Variants in SLCO1C1 observed in about 807,000 individuals in gnomAD.
SLCO1C1 encodes the protein OAT-RP-5.
SLCO1C1 carries 70 observed loss-of-function variants against 76.4 expected under a neutral mutation model. The ratio of observed to expected loss-of-function variants is 0.92; its 90% CI spans 0.76 to 1.12. The LOEUF is 1.12. Among genes scored for constraint, SLCO1C1 ranks in the 50% most tolerant of loss-of-function variants. SLCO1C1 has a pLI of 0.00. For synonymous variants in SLCO1C1, 306 were observed against 286.1 expected, an observed-to-expected ratio of 1.07 and a Z score of -0.70; for missense variants, 912 against 823.8, an observed-to-expected ratio of 1.11 and a Z score of -1.31.
intron 3 of SLCO1C1, among the ~76,000 whole-genome samples, chr12:20,705,191 C>A (rs558847831): frequency 1.1e-4 from 17 of 152,086 alleles, no homozygotes; most frequent in Admixed American, 2.0e-4. Context: ...TCACATGCTT[C>A]ATTAGAGACA....
Position 20,752,631 on chromosome 12 carries a change from A to C in SLCO1C1, c.*103A>C. ...AAATTTGTAATTTCTTTCTCCTTTC[A>C]AAAAATGTCTACTTTGTTTTGGTCC... On this transcript the variant is annotated 3_prime_UTR_variant, in exon 15 of 15. Transcript: ENST00000266509. 1 of 961,378 alleles carries C rather than the reference A, an allele frequency of 1.0e-6. No individual in the cohort carries two copies. Among genetic ancestry groups the C allele is most frequent in the Non-Finnish European group, 1.5e-6 (1 of 668,652 alleles). The allele number at this position is 961,378 out of a possible 1,614,324, so 59.6% of individuals were successfully genotyped here.
rs1949392204 is a variant in SLCO1C1 at position 20,753,334 on chromosome 12, T to G, written c.*806T>G. ...TACACGACGTGTTCCTAAAACATGT[T>G]TGAAAGGTGAATTTCTGAAAGTCTA... On this transcript the variant is annotated 3_prime_UTR_variant, in exon 15 of 15. Coordinates refer to ENST00000266509, the MANE Select transcript of SLCO1C1 (RefSeq NM_017435.5). 6.6e-6 allele frequency: 1 copy of G among 152,230 alleles called. No individual in the cohort carries two copies. Among genetic ancestry groups the G allele is most frequent in the Non-Finnish European group, 1.5e-5 (1 of 68,048 alleles). The allele number at this position is 152,230 out of a possible 1,614,324, so 9.4% of individuals were successfully genotyped here.
rs1203590178 is a variant in SLCO1C1, at chr12:20,715,175, A to G, written c.566A>G (p.Tyr189Cys). 6.2e-7 allele frequency: 1 copy of G among 1,614,048 alleles called. No individual in the cohort carries two copies. The highest frequency in any genetic ancestry group is 1.6e-4 in the Middle Eastern group (1 of 6,062). Residue 189 changes from tyrosine (Y) to cysteine (C), a missense_variant, in exon 6 of 15, where the codon TAT becomes TGT. Coordinates refer to ENST00000266509, the MANE Select transcript of SLCO1C1 (RefSeq NM_017435.5). ...GACACTAGCTCTTCCATGTGGATTT[A>G]TGTTTTCCTGGGCAATCTTCTTCGT... ...EVDTSSSMWI[Y>C]VFLGNLLRGI...
chr12:20,740,145 G>A (rs1292498114), intron 11 of SLCO1C1, 39 bp from the exon 12 acceptor site: 10 of 1,533,598 alleles, frequency 6.5e-6, no homozygotes, highest in Non-Finnish European at 8.0e-6. Flanking sequence ...TTATTTAAAT[G>A]TTACTGAAAT....
At chr12:20,747,694 G>A (rs1414200583) in intron 13 of SLCO1C1, among the ~76,000 whole-genome samples, 2 of 152,070 alleles carry the variant, frequency 1.3e-5, no homozygotes, top group African/African-American at 4.8e-5. Flanking sequence ...TCATATATTT[G>A]TTTGGTTTTT....
At chr12:20,718,836 T>C (rs959648902) in intron 7 of SLCO1C1, among the ~76,000 whole-genome samples, 1 of 152,196 alleles carries the variant, frequency 6.6e-6, no homozygotes, top group Non-Finnish European at 1.5e-5. Context: ...GAATTTAGAC[T>C]ATATTTTTAC....
At chr12:20,723,632 G>A (rs2120764239) in intron 9 of SLCO1C1, among the ~76,000 whole-genome samples, 1 of 152,208 alleles carries the variant, frequency 6.6e-6, no homozygotes, top group East Asian at 1.9e-4. Context: ...AACAAAACTT[G>A]TATTTTCGCG....
At position 20,737,117 on chromosome 12, in the gene SLCO1C1, G is replaced by T; in HGVS notation, c.1393G>T (p.Val465Phe). The T allele has an allele frequency of 1.3e-6, 2 of 1,522,880 alleles. No homozygotes were observed. Among genetic ancestry groups the T allele is most frequent in the Non-Finnish European group, 1.7e-6 (2 of 1,143,384 alleles). 94.3% of individuals were successfully genotyped at this position (1,522,880 alleles called of 1,614,324 possible). Residue 465 changes from valine to phenylalanine, a missense_variant, in exon 11 of 15, where the codon GTC becomes TTC. Physicochemically the swap from Val to Phe is conservative, Grantham distance 50. Coordinates refer to ENST00000266509, the MANE Select transcript of SLCO1C1 (RefSeq NM_017435.5). The stretch of plus-strand genomic sequence containing the variant: ...TATATTTCTTTTCAGAACCAAACCT[G>T]TCTCTTATCATGAACGAGCTCTCTT... Reference protein sequence around the residue: ...LTVSYQGTKPVSYHERALFSD... With the variant: ...LTVSYQGTKPFSYHERALFSD...
intron 9 of SLCO1C1, 138 bp from the exon 10 acceptor site, chr12:20,732,771 A>T (rs1948348686): frequency 6.9e-6 from 6 of 865,870 alleles, no homozygotes; most frequent in Non-Finnish European, 1.0e-5. Flanking sequence ...CTCATCATAC[A>T]CTCTTTGTAT....
At chr12:20,734,695 CT>C (rs1469573861) in intron 10 of SLCO1C1, among the ~76,000 whole-genome samples, 11 of 152,132 alleles carry the variant, frequency 7.2e-5, no homozygotes, top group Admixed American at 7.2e-4. Context: ...CAAAAGCAAA[CT>C]TTGAGATTCC....
intron 9 of SLCO1C1, among the ~76,000 whole-genome samples, chr12:20,731,762 G>A (rs567834476): frequency 1.4e-4 from 22 of 152,310 alleles, no homozygotes; most frequent in African/African-American, 5.1e-4. Flanking sequence ...TGGCACCAAA[G>A]TGCCTCTTTT....
rs771745491 is a variant in SLCO1C1 at position 20,721,908 on chromosome 12, T to C, written c.880T>C (p.Tyr294His). 48 of 1,614,160 alleles carry C rather than the reference T, an allele frequency of 3.0e-5. No individual in the cohort carries two copies. The East Asian group carries it at 1.0e-3, about 35-fold the overall frequency. ...ISLLAAVPFWYLPKSLPRSQS... is the reference protein window; with the variant it reads ...ISLLAAVPFWHLPKSLPRSQS... Reference sequence around the variant, plus strand: ...TCTTCTTGCAGCTGTGCCTTTCTGGTATTTACCAAAGAGTTTACCAAGATC... The same window carrying C: ...TCTTCTTGCAGCTGTGCCTTTCTGGCATTTACCAAAGAGTTTACCAAGATC... The change falls in exon 8 of 15, where the codon TAT (tyrosine) becomes CAT (histidine). Residue 294 changes from tyrosine to histidine, a missense_variant. By Grantham distance (83) the Tyr-to-His change is moderately conservative. Coordinates refer to ENST00000266509, the MANE Select transcript of SLCO1C1 (RefSeq NM_017435.5).
At chr12:20,701,559 C>A in intron 3 of SLCO1C1, 100 bp downstream of exon 3, 445 of 700,030 alleles carry the variant, frequency 6.4e-4, no homozygotes, top group Non-Finnish European at 8.3e-4. Flanking sequence ...GGATCAGACT[C>A]TATTCATAAA....
In SLCO1C1 at chr12:20,699,710, A is replaced by T; in HGVS notation, c.129+5A>T. 6.2e-7 allele frequency: 1 copy of T among 1,606,014 alleles called. No homozygotes were observed. The highest frequency in any genetic ancestry group is 1.1e-5 in the South Asian group (1 of 89,664). On this transcript the variant is annotated splice_donor_5th_base_variant and intron_variant, in intron 2 of 14. Transcript: ENST00000266509. ...CCATGCTGTGGTGAACTAAAGGTAG[A>T]GCAACCAAGAAGTAAATAGTGTTGA...
In SLCO1C1 at chr12:20,723,243, A is replaced by G. The variant is rs1947771237; in HGVS notation, c.1175A>G (p.Asn392Ser). The G allele has an allele frequency of 1.2e-6, 2 of 1,613,600 alleles. No individual in the cohort carries two copies. The highest frequency in any genetic ancestry group is 3.3e-5 in the Admixed American group (2 of 59,922). The change falls in exon 9 of 15, where the codon AAC becomes AGC. Residue 392 changes from asparagine to serine, a missense_variant. Coordinates refer to ENST00000266509, the MANE Select transcript of SLCO1C1 (RefSeq NM_017435.5). ...TATGGACAGTCATCCTCCAGGGCCA[A>G]CTTTGTGATCGGTATGCTCATCTGC... The part of the protein sequence containing the change: ...QQYGQSSSRA[N>S]FVIGLINIPA...
intron 9 of SLCO1C1, among the ~76,000 whole-genome samples, chr12:20,731,795 G>A (rs1368928909): frequency 6.6e-6 from 1 of 152,116 alleles, no homozygotes. Flanking sequence ...GCAATACAAG[G>A]GTTCCATTCC....
rs980912395 is a variant in SLCO1C1 at position 20,753,200 on chromosome 12, T to G, written c.*672T>G. The G allele has an allele frequency of 6.6e-6, 1 of 152,218 alleles. No individual in the cohort carries two copies. The highest frequency in any genetic ancestry group is 6.5e-5 in the Admixed American group (1 of 15,278). 9.4% of individuals were successfully genotyped at this position (152,218 alleles called of 1,614,324 possible). ...TGACTATGGTTGTAAAGTAATAAAA[T>G]TGATGTTAACATGCCCAATTATTGT... On this transcript the variant is annotated 3_prime_UTR_variant, in exon 15 of 15. Coordinates refer to ENST00000266509, the MANE Select transcript of SLCO1C1 (RefSeq NM_017435.5).
chr12:20,746,396 T>C (rs1322268441), intron 13 of SLCO1C1, among the ~76,000 whole-genome samples: 1 of 152,082 alleles, frequency 6.6e-6, no homozygotes, highest in African/African-American at 2.4e-5. Flanking sequence ...ATTAACTGTA[T>C]GTCAAAGTAA....
At chr12:20,716,419 C>T (rs1044028689) in intron 6 of SLCO1C1, among the ~76,000 whole-genome samples, 2 of 152,224 alleles carry the variant, frequency 1.3e-5, no homozygotes, top group Non-Finnish European at 2.9e-5. Flanking sequence ...CTGCTGTTTA[C>T]TCTTCCAGTT....
Sources: allele counts gnomAD v4.1 joint callset (sites outside exome capture counted in the v4.1 genomes callset), GRCh38; gene constraint gnomAD v4.1.1; transcripts MANE v1.5; gene names NCBI Gene and HGNC (gene_info 2026-07-23, HGNC 2026-07-21).